CCDC171: variants seen among roughly 807,000 people sequenced by gnomAD.
CCDC171 encodes coiled-coil domain containing 171.
CCDC171 carries 177 observed loss-of-function variants against 168.2 expected under a neutral mutation model. The observed-to-expected ratio is 1.05, with a 90% CI of 0.93 to 1.19. The LOEUF (loss-of-function observed/expected upper bound fraction) is 1.19. CCDC171 is among the 50% of genes most tolerant of loss of function. CCDC171 has a pLI of 0.00. For missense variants in CCDC171, 1,991 were observed against 1,539.0 expected (o/e 1.29, Z -4.91); for synonymous variants, 687 against 540.8 (o/e 1.27, Z -3.75).
At chr9:15,731,003 A>T (rs1425090655) in intron 16 of CCDC171, among the ~76,000 whole-genome samples, 2 of 152,046 alleles carry the variant, frequency 1.3e-5, no homozygotes, top group African/African-American at 4.8e-5. Flanking sequence ...ATATGCATAG[A>T]ATGTGTAATG....
intron 11 of CCDC171, among the ~76,000 whole-genome samples, chr9:15,700,853 C>G (rs1229685611): frequency 1.3e-5 from 2 of 151,856 alleles, no homozygotes; most frequent in African/African-American, 2.4e-5. Context: ...ACATTCCCAC[C>G]AACAATGTAT....
downstream of CCDC171, among the ~76,000 whole-genome samples, chr9:15,977,802 C>T (rs572560860): frequency 7.5e-4 from 114 of 152,232 alleles, 1 homozygote; most frequent in African/African-American, 2.6e-3. Context: ...TAAACATTCA[C>T]GATGACAAGA....
intron 21 of CCDC171, among the ~76,000 whole-genome samples, chr9:15,795,521 A>G (rs60655538): frequency 0.027 from 4,110 of 152,322 alleles, 183 homozygotes; most frequent in African/African-American, 0.095. Flanking sequence ...AAAGAGGACC[A>G]AAACACCAAA....
chr9:15,733,473 G>C (rs919298851), intron 16 of CCDC171, among the ~76,000 whole-genome samples: 2 of 149,314 alleles, frequency 1.3e-5, no homozygotes, highest in Non-Finnish European at 3.0e-5. Flanking sequence ...TATCGATTAA[G>C]GTCAGTTTTT....
intron 11 of CCDC171, among the ~76,000 whole-genome samples, chr9:15,706,106 T>A (rs1018669497): frequency 6.6e-6 from 1 of 152,174 alleles, no homozygotes; most frequent in African/African-American, 2.4e-5. Flanking sequence ...CTTTCTACTA[T>A]CAACTAAAAT....
At chr9:15,977,335 G>C (rs767498259), downstream of CCDC171, among the ~76,000 whole-genome samples, 1 of 152,074 alleles carries the variant, frequency 6.6e-6, no homozygotes, top group African/African-American at 2.4e-5. Flanking sequence ...CGTTGCGATG[G>C]GAAAATGTGT....
Position 15,564,112 on chromosome 9 carries a change from T to C in CCDC171, c.24T>C (p.Asn8=), listed in dbSNP as rs1348382631. 1.7e-5 allele frequency: 28 copies of C among 1,608,176 alleles called. No individual in the cohort carries two copies. Among genetic ancestry groups the C allele is most frequent in the Non-Finnish European group, 2.1e-5 (25 of 1,177,190 alleles). The change falls in exon 2 of 26, where the codon AAT becomes AAC. Residue 8 remains asparagine (N), a synonymous_variant. Coordinates refer to ENST00000380701, the MANE Select transcript of CCDC171 (RefSeq NM_173550.4). The part of the protein sequence containing the change: MNLNTSS[N]TGDTQRLKIA... ...TCATGAATTTGAATACTTCAAGTAA[T>C]ACTGGTGATACCCAAAGGTAAGCCT...
rs376448383 is a variant in CCDC171, at chr9:15,570,193, A to G, written c.42-1431A>G. 3.4e-5 allele frequency among the ~76,000 whole-genome samples: 5 copies of G among 148,082 alleles called. No homozygotes were observed. The East Asian group carries it at 8.0e-4, about 24-fold the overall frequency. ...ACTATGTTGGCCAGGCTGGTCTTGA[A>G]CTCCTGGCCTCAAGTGATCTGCCCG... On this transcript the variant is annotated intron_variant, in intron 2 of 25. Coordinates refer to ENST00000380701, the MANE Select transcript of CCDC171 (RefSeq NM_173550.4).
At chr9:15,792,203 A>G (rs1426281303) in intron 21 of CCDC171, among the ~76,000 whole-genome samples, 3 of 152,258 alleles carry the variant, frequency 2.0e-5, no homozygotes, top group Non-Finnish European at 4.4e-5. Flanking sequence ...TGATTTGATC[A>G]ACTGGAAGAA....
chr9:15,573,223 A>G (rs1253276359), intron 3 of CCDC171, among the ~76,000 whole-genome samples: 1 of 152,150 alleles, frequency 6.6e-6, no homozygotes, highest in African/African-American at 2.4e-5. Flanking sequence ...AGAGATGAAT[A>G]CATAATAATT....
chr9:15,988,501 C>T (rs776323004), intron 3 of CCDC171, among the ~76,000 whole-genome samples: 3 of 152,136 alleles, frequency 2.0e-5, no homozygotes, highest in Non-Finnish European at 4.4e-5. Flanking sequence ...GCTTGAGTGA[C>T]ACAGAAGACG....
At chr9:15,571,782 A>T (rs1372498292) in intron 3 of CCDC171, 23 bp downstream of exon 3, 1 of 1,558,666 alleles carries the variant, frequency 6.4e-7, no homozygotes, top group African/African-American at 1.4e-5. Flanking sequence ...TTCCTCTCAA[A>T]TAATGTTAAA....
At chr9:15,950,897 C>T (rs1312873421) in intron 25 of CCDC171, among the ~76,000 whole-genome samples, 4 of 151,260 alleles carry the variant, frequency 2.6e-5, no homozygotes, top group Non-Finnish European at 5.9e-5. Context: ...TGCAGAGACA[C>T]ACATAGGCTC....
At chr9:16,050,949 A>T (rs543574863) in intron 1 of CCDC171, among the ~76,000 whole-genome samples, 1 of 151,820 alleles carries the variant, frequency 6.6e-6, no homozygotes, top group South Asian at 2.1e-4. Context: ...TCACTTTTTG[A>T]CCTCTTTATG....
chr9:15,773,382 G>A (rs1281271003), intron 18 of CCDC171, among the ~76,000 whole-genome samples: 1 of 152,124 alleles, frequency 6.6e-6, no homozygotes, highest in Non-Finnish European at 1.5e-5. Context: ...ATCAAGATCT[G>A]CAGCCCACAG....
rs1320966697 is a variant in CCDC171 at position 15,637,905 on chromosome 9, T to C, written c.822+14492T>C. ...TTGGGTTGGTTCCAAGTCTTTGCTA[T>C]TGTGAATAGTGCCGCAATAAACATA... is the stretch of plus-strand genomic sequence containing the variant. On this transcript the variant is annotated intron_variant, in intron 7 of 25. Coordinates refer to ENST00000380701, the MANE Select transcript of CCDC171 (RefSeq NM_173550.4). Among the ~76,000 whole-genome samples, 5 of 151,866 alleles carry C rather than the reference T, an allele frequency of 3.3e-5. No homozygotes were observed. The East Asian group carries it at 9.7e-4, about 29-fold the overall frequency.
At chr9:15,832,386 G>A (rs1427152172) in intron 21 of CCDC171, among the ~76,000 whole-genome samples, 1 of 152,072 alleles carries the variant, frequency 6.6e-6, no homozygotes, top group African/African-American at 2.4e-5. Context: ...AGACAATTTT[G>A]TTGTACAAAC....
chr9:15,661,441 T>G (rs1316832894), intron 8 of CCDC171, among the ~76,000 whole-genome samples: 1 of 152,108 alleles, frequency 6.6e-6, no homozygotes, highest in Non-Finnish European at 1.5e-5. Flanking sequence ...AATAAGAAAA[T>G]TATTACCTAT....
chr9:16,078,914 G>T, the CCDC171 span, among the ~76,000 whole-genome samples: 2 of 152,202 alleles, frequency 1.3e-5, no homozygotes, highest in Non-Finnish European at 2.9e-5. Flanking sequence ...AAAGAATGCT[G>T]AATCAGGAAG....
Sources: gnomAD v4.1 joint callset for allele counts (sites outside exome capture counted in the v4.1 genomes callset) on GRCh38, gnomAD v4.1.1 for gene constraint, MANE v1.5 for transcripts, NCBI Gene and HGNC (gene_info 2026-07-23, HGNC 2026-07-21) for gene names.